The following PCDH15 variants were observed in gnomAD, a reference collection of about 807,000 sequenced individuals.
PCDH15 encodes the protein protocadherin-15.
In PCDH15, 129 loss-of-function variants were observed where a neutral mutation model predicts 178.5. The ratio of observed to expected loss-of-function variants is 0.72; its 90% CI spans 0.63 to 0.84. The LOEUF (loss-of-function observed/expected upper bound fraction) is 0.84. Among genes scored for constraint, PCDH15 ranks in the 40% least tolerant of loss-of-function variants. The pLI is 0.00. For missense variants in PCDH15, 2,230 were observed against 2,099.9 expected (o/e 1.06, Z -1.21); for synonymous variants, 800 against 732.0 (o/e 1.09, Z -1.50).
chr10:53,956,303 C>T lies in PCDH15; in HGVS notation c.3122+3429G>A, dbSNP rs934767799. Among the ~76,000 whole-genome samples the T allele has an allele frequency of 5.9e-5, 9 of 151,840 alleles. 1 individual carries two copies. The highest frequency in any genetic ancestry group is 3.9e-4 in the Admixed American group (6 of 15,262). On this transcript the variant is annotated intron_variant, in intron 23 of 37. Transcript: ENST00000644397. The stretch of plus-strand genomic sequence containing the variant: ...AGGAAATGTAATCCAGCTATATGCC[C>T]GTGAGAAAAAGGATTTAGGAGGCAT...
Position 54,784,415 on chromosome 10 carries a change from A to C in PCDH15, c.-29+16510T>G, listed in dbSNP as rs553999581. ...AGACTAAGAGCAGATTTCGCGGTAG[A>C]AATGTAACAAGCCAGGAATAATGGG... On this transcript the variant is annotated intron_variant, in intron 1 of 37. Coordinates refer to ENST00000644397, the MANE Select transcript of PCDH15 (RefSeq NM_001384140.1). Among the ~76,000 whole-genome samples the C allele has an allele frequency of 3.3e-5, 5 of 152,124 alleles. No homozygotes were observed. The East Asian group carries it at 5.8e-4, about 18-fold the overall frequency.
At position 54,932,219 on chromosome 10, in the gene PCDH15, C is replaced by T. The variant is rs76840738; in HGVS notation, c.-79-34719G>A. Among the ~76,000 whole-genome samples the T allele has an allele frequency of 6.1e-3, 933 of 152,230 alleles. 10 individuals carry two copies. The highest frequency in any genetic ancestry group is 0.02 in the African/African-American group (834 of 41,546). On this transcript the variant is annotated intron_variant, in intron 2 of 5. Coordinates refer to the PCDH15 transcript ENST00000458638. ...AGGCATTCTTATCAGAGGAGATGAG[C>T]GCTTCACGCATGTCACTGCCCATGA...
rs1158673040 is a variant in PCDH15 at position 54,175,712 on chromosome 10, T to C, written c.1590+7732A>G. 2.0e-5 allele frequency among the ~76,000 whole-genome samples: 3 copies of C among 152,202 alleles called. No individual in the cohort carries two copies. In the East Asian group the frequency reaches 5.8e-4, roughly 29 times the overall value. On this transcript the variant is annotated intron_variant, in intron 13 of 37. Coordinates refer to ENST00000644397, the MANE Select transcript of PCDH15 (RefSeq NM_001384140.1). ...GCCTGCCTCCCAATTCTATTGTCTT[T>C]AAATTGGATTCTACTTCATCTCTGT...
chr10:53,960,950 T>A (rs982048926), intron 22 of PCDH15, among the ~76,000 whole-genome samples: 2 of 152,350 alleles, frequency 1.3e-5, no homozygotes, highest in Admixed American at 6.5e-5. Flanking sequence ...ATGCAAATTA[T>A]TGTTTTAATA....
chr10:54,274,597 G>A (rs1033954936), intron 8 of PCDH15, among the ~76,000 whole-genome samples: 3 of 144,342 alleles, frequency 2.1e-5, no homozygotes, highest in East Asian at 2.1e-4. Context: ...CCTTTGATTC[G>A]AAACAAAACT....
chr10:54,786,828 T>C (rs551338112), intron 1 of PCDH15, among the ~76,000 whole-genome samples: 2 of 152,014 alleles, frequency 1.3e-5, no homozygotes, highest in East Asian at 3.9e-4. Context: ...TATTTTATAA[T>C]AATGAGAATA....
intron 13 of PCDH15, among the ~76,000 whole-genome samples, chr10:54,177,784 C>G (rs555604935): frequency 7.2e-5 from 11 of 152,146 alleles, no homozygotes; most frequent in Admixed American, 2.0e-4. Context: ...GCCTCCAACA[C>G]GACTAGATGC....
At chr10:55,015,607 T>A (rs1181645651) in intron 2 of PCDH15, among the ~76,000 whole-genome samples, 1 of 152,166 alleles carries the variant, frequency 6.6e-6, no homozygotes, top group African/African-American at 2.4e-5. Flanking sequence ...GTCATGGTCC[T>A]GGCGGAAAAC....
intron 3 of PCDH15, among the ~76,000 whole-genome samples, chr10:54,866,894 G>A (rs1053424411): frequency 1.5e-4 from 23 of 152,146 alleles, no homozygotes; most frequent in African/African-American, 4.8e-4. Flanking sequence ...ATTAGAGCTT[G>A]CACTGAACAA....
At chr10:55,311,211 A>G (rs1486294855) in intron 1 of PCDH15, among the ~76,000 whole-genome samples, 3 of 152,194 alleles carry the variant, frequency 2.0e-5, no homozygotes, top group African/African-American at 7.2e-5. Context: ...AAAATTTGGT[A>G]ATGCATGCTA....
intron 3 of PCDH15, among the ~76,000 whole-genome samples, chr10:54,813,678 A>T (rs1952902362): frequency 6.6e-6 from 1 of 152,178 alleles, no homozygotes; most frequent in African/African-American, 2.4e-5. Flanking sequence ...GTTCTTCAAG[A>T]CTACAGCAAT....
intron 25 of PCDH15, among the ~76,000 whole-genome samples, chr10:53,938,375 A>C (rs1181463864): frequency 6.6e-6 from 1 of 152,174 alleles, no homozygotes; most frequent in Non-Finnish European, 1.5e-5. Flanking sequence ...TGCTACATAT[A>C]AATTACAATA....
intron 2 of PCDH15, among the ~76,000 whole-genome samples, chr10:55,617,716 G>A (rs1378523556): frequency 1.3e-5 from 2 of 151,910 alleles, no homozygotes; most frequent in African/African-American, 4.8e-5. Flanking sequence ...CTAATTATCT[G>A]TCTGAAAATG....
chr10:53,927,387 A>G (rs2084657479), intron 25 of PCDH15, among the ~76,000 whole-genome samples: 1 of 152,124 alleles, frequency 6.6e-6, no homozygotes, highest in East Asian at 1.9e-4. Flanking sequence ...ACCACTTTAT[A>G]TGTTTAACTC....
chr10:54,786,705 A>C (rs1364026451), intron 1 of PCDH15, among the ~76,000 whole-genome samples: 1 of 151,942 alleles, frequency 6.6e-6, no homozygotes, highest in Non-Finnish European at 1.5e-5. Context: ...CTTTGAATTT[A>C]TGTCAATACA....
intron 25 of PCDH15, among the ~76,000 whole-genome samples, chr10:53,905,681 T>G (rs186385893): frequency 7.9e-5 from 12 of 152,264 alleles, no homozygotes; most frequent in Middle Eastern, 3.4e-3. Flanking sequence ...TCCATACTTA[T>G]ATGTATACTT....
intron 10 of PCDH15, among the ~76,000 whole-genome samples, chr10:54,197,233 T>A (rs916843904): frequency 2.6e-5 from 4 of 152,014 alleles, no homozygotes; most frequent in African/African-American, 9.7e-5. Flanking sequence ...TTGATAAAAA[T>A]TTCTGTTTCT....
At chr10:54,923,607 A>T (rs1837547508) in intron 2 of PCDH15, among the ~76,000 whole-genome samples, 2 of 137,860 alleles carry the variant, frequency 1.5e-5, no homozygotes, top group South Asian at 4.6e-4. Context: ...CTGCTTAGAA[A>T]TTTCTGCCAT....
intron 1 of PCDH15, among the ~76,000 whole-genome samples, chr10:54,686,358 T>A (rs2095007724): frequency 6.6e-6 from 1 of 152,126 alleles, no homozygotes; most frequent in Admixed American, 6.6e-5. Context: ...TTGCTTTAGA[T>A]CCTTTTTAAA....
Sources: allele counts gnomAD v4.1 joint callset (sites outside exome capture counted in the v4.1 genomes callset), GRCh38; gene constraint gnomAD v4.1.1; transcripts MANE v1.5; gene names NCBI Gene and HGNC (gene_info 2026-07-23, HGNC 2026-07-21).